Variants in CFAP47 observed in about 807,000 individuals in gnomAD.
CFAP47 encodes the protein cilia and flagella associated protein 47.
CFAP47 carries 29 observed loss-of-function variants against 148.1 expected under a neutral mutation model. That is an observed-to-expected ratio of 0.20 (90% CI 0.15 to 0.27). The LOEUF (loss-of-function observed/expected upper bound fraction) is 0.27, where lower values mean the gene tolerates loss of function less well. Ranked by LOEUF, CFAP47 falls within the 10% of genes least tolerant of loss-of-function variation. CFAP47 has a pLI of 1.00. For synonymous variants in CFAP47, 664 were observed against 577.3 expected (o/e 1.15, Z -2.15); for missense variants, 1,872 against 1,697.5 (o/e 1.10, Z -1.81).
intron 46 of CFAP47, among the ~76,000 whole-genome samples, chrX:36,232,526 A>G (rs1363318941): frequency 9.0e-6 from 1 of 111,252 alleles, no homozygotes; most frequent in East Asian, 2.8e-4. Flanking sequence ...TAGTCTTGCT[A>G]GTGGTCTATC....
At chrX:36,229,885 T>G (rs1413709534) in intron 46 of CFAP47, among the ~76,000 whole-genome samples, 7 of 100,216 alleles carry the variant, frequency 7.0e-5, no homozygotes, top group African/African-American at 1.5e-4. Context: ...CTTGCGATAG[T>G]TTACTGAGAA....
chrX:36,249,081 A>G (rs6632539), intron 48 of CFAP47, among the ~76,000 whole-genome samples: 12,689 of 107,743 alleles, frequency 0.12, 637 homozygotes, highest in East Asian at 0.26. Flanking sequence ...GTAGTAAAAA[A>G]AGAAGAAAGA....
chrX:35,958,400 G>A (rs1032014060), intron 8 of CFAP47, among the ~76,000 whole-genome samples: 1 of 111,206 alleles, frequency 9.0e-6, no homozygotes, highest in East Asian at 2.8e-4. Context: ...CCTAAGAGTG[G>A]AATTGTTGGG....
At chrX:36,131,215 A>T (rs1375111347) in intron 33 of CFAP47, among the ~76,000 whole-genome samples, 3 of 111,146 alleles carry the variant, frequency 2.7e-5, no homozygotes, top group Non-Finnish European at 5.7e-5. Context: ...CAGAAATTAA[A>T]TTTTTTGAAT....
At chrX:36,050,628 G>A (rs1192477244) in intron 26 of CFAP47, among the ~76,000 whole-genome samples, 4 of 112,099 alleles carry the variant, frequency 3.6e-5, no homozygotes, top group African/African-American at 1.3e-4. Flanking sequence ...TGAAAAATTT[G>A]CAGCCTGATA....
chrX:35,919,900 C>T lies in CFAP47; in HGVS notation c.101C>T (p.Ser34Leu), dbSNP rs1444100076. ...CTCGTCCCCCGGGATATGGATAGCT[C>T]GGGTAGAGACATGCAGCTGCGGGTG... ...GSLVPRDMDSSGRDMQLRVIP... is the reference protein window; with the variant it reads ...GSLVPRDMDSLGRDMQLRVIP... Residue 34 changes from serine to leucine, a missense_variant, in exon 1 of 64, where the codon TCG becomes TTG. By Grantham distance (145) the Ser-to-Leu change is moderately radical (BLOSUM62 -2). Transcript: ENST00000378653. 2 of 1,210,814 alleles carry T rather than the reference C, an allele frequency of 1.7e-6. No individual in the cohort carries two copies. The highest frequency in any genetic ancestry group is 4.4e-5 in the Admixed American group (2 of 45,955).
Position 36,188,641 on chromosome X carries a change from G to A in CFAP47, c.6126G>A (p.Gly2042=), listed in dbSNP as rs1555986022. 3.4e-6 allele frequency: 1 copy of A among 297,429 alleles called. No individual in the cohort carries two copies. The highest frequency in any genetic ancestry group is 5.9e-6 in the Non-Finnish European group (1 of 170,141). The allele number at this position is 297,429 out of a possible 1,213,427, so 24.5% of individuals were successfully genotyped here. A position where few individuals can be genotyped will look rare whatever the true frequency, so the allele number is the denominator to read the frequency against. Residue 2042 remains glycine, a synonymous_variant, in exon 41 of 64, where the codon GGG becomes GGA. Transcript: ENST00000378653. ...PKHDDDMSSS[G]SDTDQGCSDS... Reference sequence around the variant, plus strand: ...TCAGTGATGATATGAGTAGCAGTGGGAGTGACACTGATCAGGGCTGTTCCG... The same window carrying A: ...TCAGTGATGATATGAGTAGCAGTGGAAGTGACACTGATCAGGGCTGTTCCG...
intron 2 of CFAP47, among the ~76,000 whole-genome samples, chrX:35,927,133 T>A (rs1935753874): frequency 9.5e-6 from 1 of 105,415 alleles, no homozygotes; most frequent in African/African-American, 3.5e-5. Flanking sequence ...CCAGCCTGGA[T>A]GACAAAGTGA....
intron 42 of CFAP47, among the ~76,000 whole-genome samples, chrX:36,194,545 A>G (rs1939899070): frequency 8.9e-6 from 1 of 111,936 alleles, no homozygotes; most frequent in Non-Finnish European, 1.9e-5. Flanking sequence ...TAATGAATGG[A>G]GATTTAATTG....
chrX:36,337,265 TGTAA>T (rs781795976), intron 57 of CFAP47, among the ~76,000 whole-genome samples: 39 of 112,689 alleles, frequency 3.5e-4, no homozygotes, highest in African/African-American at 1.2e-3. Context: ...TAAAATCACT[TGTAA>T]GTGTCTGGTT....
chrX:36,161,583 A>T (rs1939430844), intron 39 of CFAP47, among the ~76,000 whole-genome samples: 2 of 111,870 alleles, frequency 1.8e-5, no homozygotes. Context: ...TAGAAAAGTA[A>T]CTTCCTGGAA....
At chrX:35,949,386 G>A (rs1936131764) in intron 4 of CFAP47, among the ~76,000 whole-genome samples, 1 of 110,863 alleles carries the variant, frequency 9.0e-6, no homozygotes, top group South Asian at 3.8e-4. Flanking sequence ...GTACAAATGT[G>A]GAGTGAGAAT....
intron 39 of CFAP47, among the ~76,000 whole-genome samples, chrX:36,173,293 A>C (rs1939614030): frequency 9.1e-6 from 1 of 110,487 alleles, no homozygotes; most frequent in Admixed American, 9.7e-5. Flanking sequence ...TTTTGTCTCT[A>C]TTTCCTTCAG....
In CFAP47 at chrX:36,235,774, G is replaced by A. The variant is rs1021329732; in HGVS notation, c.7015-160G>A. On this transcript the variant is annotated intron_variant, in intron 46 of 63. Coordinates refer to ENST00000378653, the MANE Select transcript of CFAP47 (RefSeq NM_001304548.2). The stretch of plus-strand genomic sequence containing the variant: ...TCGGCCATCTTGGCTCCAGCACATC[G>A]ATATTTATTCTTAACAAATATGACT... Among the ~76,000 whole-genome samples the A allele has an allele frequency of 2.7e-5, 3 of 112,252 alleles. No homozygotes were observed. In the East Asian group the frequency reaches 8.4e-4, roughly 32 times the overall value.
intron 46 of CFAP47, among the ~76,000 whole-genome samples, chrX:36,235,475 C>T (rs782274222): frequency 6.9e-4 from 78 of 112,336 alleles, no homozygotes; most frequent in African/African-American, 2.4e-3. Flanking sequence ...TGTGGAAAAG[C>T]GCAGTATTGA....
At chrX:36,132,079 A>C (rs939738155) in intron 33 of CFAP47, among the ~76,000 whole-genome samples, 3 of 111,299 alleles carry the variant, frequency 2.7e-5, no homozygotes, top group African/African-American at 9.8e-5. Context: ...TCATGTGACA[A>C]TTATTATATT....
intron 42 of CFAP47, among the ~76,000 whole-genome samples, chrX:36,193,311 A>G (rs933628949): frequency 3.6e-5 from 4 of 112,201 alleles, no homozygotes; most frequent in Non-Finnish European, 5.6e-5. Flanking sequence ...ACATTAAACT[A>G]TATTATGCTA....
At chrX:35,924,034 C>CATTTATGT in intron 1 of CFAP47, among the ~76,000 whole-genome samples, 3 of 91,527 alleles carry the variant, frequency 3.3e-5, no homozygotes, top group African/African-American at 9.6e-5. Flanking sequence ...TATATATGCA[C>CATTTATGT]ATATATGTGT....
At chrX:36,073,115 T>A in intron 28 of CFAP47, 24 bp from the exon 29 acceptor site, 5 of 1,134,236 alleles carry the variant, frequency 4.4e-6, no homozygotes, top group Non-Finnish European at 6.0e-6. Context: ...TAGCCCTTTT[T>A]TAACAAACTA....
Sources: gnomAD v4.1 joint callset for allele counts (sites outside exome capture counted in the v4.1 genomes callset) on GRCh38, gnomAD v4.1.1 for gene constraint, MANE v1.5 for transcripts, NCBI Gene and HGNC (gene_info 2026-07-23, HGNC 2026-07-21) for gene names.